Variants in CUL5 observed in about 807,000 individuals in gnomAD.
CUL5 encodes the protein cullin 5.
CUL5 carries 26 observed loss-of-function variants against 108.8 expected under a neutral mutation model. The observed-to-expected ratio is 0.24, with a 90% confidence interval of 0.18 to 0.33. The LOEUF (loss-of-function observed/expected upper bound fraction) is 0.33. CUL5 is among the 10% of genes least tolerant of loss of function. The probability of loss-of-function intolerance (pLI) is 1.00; values close to 1 mark genes in which losing one functional copy is unlikely to be tolerated. For synonymous variants in CUL5, 334 were observed against 298.0 expected (o/e 1.12, Z -1.25); for missense variants, 524 against 909.2 (o/e 0.58, Z 5.45).
intron 2 of CUL5, among the ~76,000 whole-genome samples, chr11:108,039,950 A>G (rs1862851564): frequency 6.6e-6 from 1 of 152,186 alleles, no homozygotes; most frequent in African/African-American, 2.4e-5. Context: ...TACTACTTGG[A>G]AACAAAATAC....
rs193034011 is a variant in CUL5, at chr11:108,051,010, A to G, written c.411+944A>G. Reference sequence around the variant, plus strand: ...GTAGATTTGAAAAGTAAAAAATGCCATTTGAACTTTAGTCAATTTACTGTT... The same window carrying G: ...GTAGATTTGAAAAGTAAAAAATGCCGTTTGAACTTTAGTCAATTTACTGTT... On this transcript the variant is annotated intron_variant, in intron 4 of 18. Transcript: ENST00000393094. 4.8e-3 allele frequency among the ~76,000 whole-genome samples: 726 copies of G among 152,306 alleles called. 7 individuals carry two copies. The highest frequency in any genetic ancestry group is 0.016 in the African/African-American group (671 of 41,560).
chr11:108,073,364 C>T (rs1025203345), intron 9 of CUL5, 26 bp from the exon 10 acceptor site: 7 of 1,104,552 alleles, frequency 6.3e-6, no homozygotes, highest in African/African-American at 1.6e-5. Context: ...CTTTTAAAAA[C>T]TTAATGTAAA....
chr11:108,058,025 A>G (rs1008424335), intron 7 of CUL5, among the ~76,000 whole-genome samples: 13 of 152,030 alleles, frequency 8.6e-5, no homozygotes, highest in Admixed American at 2.0e-4. Context: ...CCTGACCTAC[A>G]TGGTGAAACC....
At chr11:108,012,152 G>T (rs777517644) in intron 1 of CUL5, among the ~76,000 whole-genome samples, 7 of 152,106 alleles carry the variant, frequency 4.6e-5, no homozygotes, top group Non-Finnish European at 1.0e-4. Context: ...TAGAACATTT[G>T]TAGGGATCTG....
intron 2 of CUL5, among the ~76,000 whole-genome samples, chr11:108,042,367 C>T (rs1274190804): frequency 1.3e-5 from 2 of 151,796 alleles, no homozygotes; most frequent in Admixed American, 6.6e-5. Flanking sequence ...AACAGGCGTG[C>T]CTCACCACAC....
chr11:108,049,671 T>C (rs1472571748), intron 3 of CUL5, among the ~76,000 whole-genome samples: 1 of 152,210 alleles, frequency 6.6e-6, no homozygotes, highest in Non-Finnish European at 1.5e-5. Flanking sequence ...TTTCAGCTAA[T>C]GGATATTTGG....
chr11:108,019,384 A>G (rs114554548), intron 1 of CUL5, among the ~76,000 whole-genome samples: 2,035 of 152,314 alleles, frequency 0.013, 44 homozygotes, highest in African/African-American at 0.046. Flanking sequence ...AACTAACCTC[A>G]TAATTCACAT....
chr11:108,026,415 A>G (rs113312984), intron 1 of CUL5, among the ~76,000 whole-genome samples: 8 of 152,258 alleles, frequency 5.3e-5, no homozygotes, highest in African/African-American at 1.9e-4. Flanking sequence ...CTTCTCAGAC[A>G]TTGTCGTTAT....
intron 7 of CUL5, 149 bp from the exon 8 acceptor site, chr11:108,069,947 A>C (rs1370216803): frequency 4.2e-6 from 2 of 474,344 alleles, no homozygotes; most frequent in East Asian, 6.0e-5. Context: ...TAGCATATCC[A>C]TCTTCAATAA....
chr11:108,041,811 C>T lies in CUL5; in HGVS notation c.135-4459C>T, dbSNP rs531531134. ...TTCATCATGTTGGCCAGGCTGGTCT[C>T]GAACTCCTAACCTCAGGTGATCCAC... On this transcript the variant is annotated intron_variant, in intron 2 of 18. Transcript: ENST00000393094. Among the ~76,000 whole-genome samples the T allele has an allele frequency of 3.7e-3, 566 of 152,170 alleles. 2 individuals carry two copies. The highest frequency in any genetic ancestry group is 0.013 in the African/African-American group (537 of 41,530).
chr11:108,018,429 G>A (rs1333643179), intron 1 of CUL5, among the ~76,000 whole-genome samples: 1 of 152,170 alleles, frequency 6.6e-6, no homozygotes, highest in Non-Finnish European at 1.5e-5. Flanking sequence ...CACTTTGGGA[G>A]GCTGAGGCAG....
At chr11:108,100,968 G>T (rs1268476773) in intron 18 of CUL5, among the ~76,000 whole-genome samples, 1 of 152,204 alleles carries the variant, frequency 6.6e-6, no homozygotes, top group African/African-American at 2.4e-5. Flanking sequence ...GGCGGAGGTT[G>T]CAGTGAGCGG....
chr11:108,094,123 CT>C (rs1255234226), intron 13 of CUL5, among the ~76,000 whole-genome samples: 1 of 152,250 alleles, frequency 6.6e-6, no homozygotes, highest in East Asian at 1.9e-4. Flanking sequence ...GAAAGTTGAG[CT>C]TTGTTCTTGG....
chr11:108,099,989 T>A (rs1864611926), intron 18 of CUL5, among the ~76,000 whole-genome samples: 1 of 151,900 alleles, frequency 6.6e-6, no homozygotes, highest in Admixed American at 6.6e-5. Flanking sequence ...CCACGGCACC[T>A]GGCAGCTAGG....
chr11:108,056,014 A>G (rs746863461), intron 7 of CUL5, among the ~76,000 whole-genome samples: 3 of 152,178 alleles, frequency 2.0e-5, no homozygotes, highest in African/African-American at 7.2e-5. Flanking sequence ...CCTGGCCTCA[A>G]GCAATCCTTC....
Position 108,038,241 on chromosome 11 carries a change from C to T in CUL5, c.134+4330C>T, listed in dbSNP as rs1360101602. Among the ~76,000 whole-genome samples, 3 of 151,990 alleles carry T rather than the reference C, an allele frequency of 2.0e-5. No individual in the cohort carries two copies. The East Asian group carries it at 5.8e-4, about 29-fold the overall frequency. ...TGTTGTTAATGTTGTTTTTGCCAGTCTGTGTTGATAAGATTTATTATTGAG... is the reference window on the plus strand; with the variant it reads ...TGTTGTTAATGTTGTTTTTGCCAGTTTGTGTTGATAAGATTTATTATTGAG... On this transcript the variant is annotated intron_variant, in intron 2 of 18. Coordinates refer to ENST00000393094, the MANE Select transcript of CUL5 (RefSeq NM_003478.6).
chr11:108,012,637 C>A (rs762350384), intron 1 of CUL5, among the ~76,000 whole-genome samples: 1 of 151,660 alleles, frequency 6.6e-6, no homozygotes, highest in Non-Finnish European at 1.5e-5. Flanking sequence ...CTCTTGTTGC[C>A]CAGGCTGGAG....
intron 2 of CUL5, among the ~76,000 whole-genome samples, chr11:108,046,033 T>C (rs1863059074): frequency 6.6e-6 from 1 of 152,116 alleles, no homozygotes; most frequent in Admixed American, 6.6e-5. Flanking sequence ...CATAACTAAA[T>C]TTTATGTGGT....
At chr11:108,044,935 T>C (rs1397941120) in intron 2 of CUL5, among the ~76,000 whole-genome samples, 1 of 151,862 alleles carries the variant, frequency 6.6e-6, no homozygotes, top group Non-Finnish European at 1.5e-5. Context: ...CTAATTTTTG[T>C]ATTATTAGTA....
Sources: allele counts gnomAD v4.1 joint callset (sites outside exome capture counted in the v4.1 genomes callset), GRCh38; gene constraint gnomAD v4.1.1; transcripts MANE v1.5; gene names NCBI Gene and HGNC (gene_info 2026-07-23, HGNC 2026-07-21).